ALK: variants seen among roughly 807,000 people sequenced by gnomAD.
ALK encodes the protein ALK tyrosine kinase receptor.
In ALK, 74 loss-of-function variants were observed where a neutral mutation model predicts 163.1. The ratio of observed to expected loss-of-function variants is 0.45; its 90% CI spans 0.38 to 0.55. The LOEUF (loss-of-function observed/expected upper bound fraction) is 0.55, where lower values mean the gene tolerates loss of function less well. Ranked by LOEUF, ALK falls within the 20% of genes least tolerant of loss-of-function variation. ALK has a pLI of 0.00. For synonymous variants in ALK, 960 were observed against 843.2 expected (o/e 1.14, Z -2.40); for missense variants, 2,063 against 2,105.3 (o/e 0.98, Z 0.39).
At chr2:29,705,223 AAAAAG>A (rs1195611921) in intron 2 of ALK, among the ~76,000 whole-genome samples, 22 of 135,234 alleles carry the variant, frequency 1.6e-4, no homozygotes, top group Middle Eastern at 3.9e-3. Context: ...ATCTCAACAA[AAAAAG>A]AAAAGAAAAG....
intron 28 of ALK, among the ~76,000 whole-genome samples, chr2:29,195,805 A>T (rs1396048040): frequency 6.6e-6 from 1 of 152,210 alleles, no homozygotes; most frequent in African/African-American, 2.4e-5. Flanking sequence ...TCCTGGCAGA[A>T]CGAGAACCAA....
In ALK at chr2:29,549,249, A is replaced by T. The variant is rs539921822; in HGVS notation, c.953-17133T>A. Among the ~76,000 whole-genome samples the T allele has an allele frequency of 5.3e-5, 8 of 152,240 alleles. No individual in the cohort carries two copies. The East Asian group carries it at 1.3e-3, about 26-fold the overall frequency. On this transcript the variant is annotated intron_variant, in intron 3 of 28. Coordinates refer to ENST00000389048, the MANE Select transcript of ALK (RefSeq NM_004304.5). ...ATTTCTTACTGTGAATCACAGTTTT[A>T]AAAAGATTGAAAGCCAGGTTCAAGA... is the stretch of plus-strand genomic sequence containing the variant.
chr2:29,850,679 T>C (rs2148400558), intron 1 of ALK, among the ~76,000 whole-genome samples: 1 of 152,286 alleles, frequency 6.6e-6, no homozygotes, highest in African/African-American at 2.4e-5. Context: ...TCGGGGGTGT[T>C]TCCTCTCCCT....
At position 29,735,681 on chromosome 2, in the gene ALK, C is replaced by CATG. The variant is rs777509894; in HGVS notation, c.668-17987_668-17985dup. ...AATAGAATCATACGGCAGTTACCCC[C>CATG]ATGCTGCTGTTCTCATGATAGCGAG... is the stretch of plus-strand genomic sequence containing the variant. On this transcript the variant is annotated intron_variant, in intron 1 of 28. Coordinates refer to ENST00000389048, the MANE Select transcript of ALK (RefSeq NM_004304.5). 8.7e-4 allele frequency among the ~76,000 whole-genome samples: 132 copies of CATG among 152,154 alleles called. 1 individual carries two copies. Among genetic ancestry groups the CATG allele is most frequent in the Admixed American group, 1.6e-3 (24 of 15,286 alleles).
chr2:29,288,512 A>G (rs1378509958), intron 9 of ALK, among the ~76,000 whole-genome samples: 1 of 152,206 alleles, frequency 6.6e-6, no homozygotes, highest in Non-Finnish European at 1.5e-5. Context: ...CAGGTGGCCC[A>G]GGCCTAGGCG....
At chr2:29,387,777 A>T (rs1435482633) in intron 4 of ALK, among the ~76,000 whole-genome samples, 1 of 152,222 alleles carries the variant, frequency 6.6e-6, no homozygotes, top group African/African-American at 2.4e-5. Context: ...TATTTCTGCA[A>T]AAAGACTCAG....
At chr2:29,851,723 C>A (rs1189091185) in intron 1 of ALK, among the ~76,000 whole-genome samples, 2 of 152,186 alleles carry the variant, frequency 1.3e-5, no homozygotes, top group Non-Finnish European at 2.9e-5. Context: ...TCTTCCTCAC[C>A]AGACACACTT....
At chr2:29,904,251 T>C (rs1553378042) in intron 1 of ALK, among the ~76,000 whole-genome samples, 1 of 152,168 alleles carries the variant, frequency 6.6e-6, no homozygotes, top group Non-Finnish European at 1.5e-5. Flanking sequence ...AATAAATAAA[T>C]AAACAAAAGA....
At chr2:29,667,739 C>T (rs1402742661) in intron 3 of ALK, among the ~76,000 whole-genome samples, 1 of 151,792 alleles carries the variant, frequency 6.6e-6, no homozygotes, top group Non-Finnish European at 1.5e-5. Context: ...GGGATATTTG[C>T]CTGTAGTTCT....
intron 1 of ALK, among the ~76,000 whole-genome samples, chr2:29,914,564 G>A (rs558825214): frequency 1.3e-5 from 2 of 152,302 alleles, no homozygotes; most frequent in Non-Finnish European, 2.9e-5. Flanking sequence ...ATTGGGTTAA[G>A]GATTTGCACA....
chr2:29,479,247 C>A (rs887079767), intron 4 of ALK, among the ~76,000 whole-genome samples: 20 of 152,296 alleles, frequency 1.3e-4, no homozygotes, highest in African/African-American at 4.8e-4. Flanking sequence ...AAGACCCTAT[C>A]CTGAGCTTTC....
At chr2:29,883,141 G>C in intron 1 of ALK, among the ~76,000 whole-genome samples, 1 of 149,954 alleles carries the variant, frequency 6.7e-6, no homozygotes, top group African/African-American at 2.5e-5. Flanking sequence ...AAGAAAAAAA[G>C]AAAAAGAAAA....
chr2:29,614,519 C>T (rs1268883088), intron 3 of ALK, among the ~76,000 whole-genome samples: 5 of 152,232 alleles, frequency 3.3e-5, no homozygotes, highest in Non-Finnish European at 5.9e-5. Context: ...GTTCCATCCA[C>T]TCCAAATGAT....
intron 1 of ALK, chr2:29,892,228 T>C (rs1365480662): frequency 6.6e-6 from 1 of 152,158 alleles, no homozygotes; most frequent in Admixed American, 6.5e-5. Flanking sequence ...TTTCCTCCAA[T>C]CTGAGAATAT....
chr2:29,684,055 C>T (rs190489651), intron 3 of ALK, among the ~76,000 whole-genome samples: 126 of 152,232 alleles, frequency 8.3e-4, no homozygotes, highest in Admixed American at 2.9e-3. Flanking sequence ...CTGTAGTTAT[C>T]CCCATTCAAA....
Position 29,821,429 on chromosome 2 carries a change from G to A in ALK, c.667+98564C>T, listed in dbSNP as rs149857233. 6.0e-4 allele frequency among the ~76,000 whole-genome samples: 92 copies of A among 152,248 alleles called. No individual in the cohort carries two copies. In the East Asian group the frequency reaches 0.016, roughly 26 times the overall value. ...GGGGAAGGGGACAAGCACCAATTTT[G>A]ATAAATCTCTCTTGCACAGATCGAA... On this transcript the variant is annotated intron_variant, in intron 1 of 28. Transcript: ENST00000389048.
At chr2:29,297,752 T>G (rs780203888) in intron 8 of ALK, among the ~76,000 whole-genome samples, 1 of 152,210 alleles carries the variant, frequency 6.6e-6, no homozygotes, top group Non-Finnish European at 1.5e-5. Context: ...TTCCTAAACA[T>G]TTGAAAGAAA....
At chr2:29,704,203 C>T (rs914404293) in intron 2 of ALK, among the ~76,000 whole-genome samples, 2 of 152,148 alleles carry the variant, frequency 1.3e-5, no homozygotes, top group Admixed American at 1.3e-4. Context: ...AAATGGAACC[C>T]CAGAAATTAG....
chr2:29,307,487 G>A (rs1666557080), intron 8 of ALK, among the ~76,000 whole-genome samples: 1 of 152,316 alleles, frequency 6.6e-6, no homozygotes, highest in Non-Finnish European at 1.5e-5. Flanking sequence ...TTGAATGACT[G>A]GGATTGGAAT....
Sources: gnomAD v4.1 joint callset for allele counts (sites outside exome capture counted in the v4.1 genomes callset) on GRCh38, gnomAD v4.1.1 for gene constraint, MANE v1.5 for transcripts, NCBI Gene and HGNC (gene_info 2026-07-23, HGNC 2026-07-21) for gene names.